Variants in L2HGDH observed in about 807,000 individuals in gnomAD.
The protein encoded by L2HGDH is L-2-hydroxyglutarate dehydrogenase.
In L2HGDH, 34 loss-of-function variants were observed where a neutral mutation model predicts 51.5. That is an observed-to-expected ratio of 0.66 (90% CI 0.50 to 0.88). The LOEUF (loss-of-function observed/expected upper bound fraction) is 0.88. L2HGDH is among the 40% of genes least tolerant of loss of function. L2HGDH has a pLI of 0.00. For synonymous variants in L2HGDH, 198 were observed against 197.9 expected (o/e 1.00, Z -0.01); for missense variants, 558 against 571.9 (o/e 0.98, Z 0.25).
intron 6 of L2HGDH, among the ~76,000 whole-genome samples, chr14:50,276,812 C>T (rs560399401): frequency 2.6e-5 from 4 of 152,338 alleles, no homozygotes; most frequent in South Asian, 2.1e-4. Flanking sequence ...AAGACTAATA[C>T]ACTCATCTCT....
At chr14:50,271,577 A>C (rs1889688248) in intron 6 of L2HGDH, among the ~76,000 whole-genome samples, 1 of 152,194 alleles carries the variant, frequency 6.6e-6, no homozygotes, top group Non-Finnish European at 1.5e-5. Flanking sequence ...ACGGTGGCTC[A>C]CGCCTGTAGT....
intron 5 of L2HGDH, chr14:50,282,386 T>C (rs1457296744): frequency 2.2e-6 from 1 of 452,626 alleles, no homozygotes; most frequent in Non-Finnish European, 4.4e-6. Flanking sequence ...TTGTGCTTCA[T>C]AGCCAGTCTT....
At chr14:50,270,356 C>T (rs2139985463) in intron 6 of L2HGDH, among the ~76,000 whole-genome samples, 1 of 152,288 alleles carries the variant, frequency 6.6e-6, no homozygotes, top group South Asian at 2.1e-4. Flanking sequence ...CTTGAATTCC[C>T]ATCTCTTTAC....
chr14:50,285,312 AGG>A (rs1890508417), intron 4 of L2HGDH, among the ~76,000 whole-genome samples: 2 of 152,220 alleles, frequency 1.3e-5, no homozygotes, highest in African/African-American at 2.4e-5. Flanking sequence ...GGTCACACTG[AGG>A]GTAAAGACTC....
At chr14:50,295,613 C>A (rs1034321928) in intron 3 of L2HGDH, among the ~76,000 whole-genome samples, 22 of 128,088 alleles carry the variant, frequency 1.7e-4, no homozygotes, top group African/African-American at 6.6e-4. Context: ...GTAGAGACAG[C>A]GTTTTACCAC....
intron 9 of L2HGDH, among the ~76,000 whole-genome samples, chr14:50,254,317 C>T (rs1193684513): frequency 1.3e-5 from 2 of 151,816 alleles, no homozygotes; most frequent in African/African-American, 2.4e-5. Context: ...AATATATACA[C>T]CTACTAGGCA....
intron 1 of L2HGDH, among the ~76,000 whole-genome samples, chr14:50,303,471 A>C (rs541719305): frequency 1.9e-4 from 27 of 144,744 alleles, no homozygotes; most frequent in Non-Finnish European, 3.5e-4. Context: ...AAAAAAAAAA[A>C]CCCTTAAAAG....
intron 6 of L2HGDH, among the ~76,000 whole-genome samples, chr14:50,277,573 A>C (rs1415805334): frequency 6.6e-6 from 1 of 151,884 alleles, no homozygotes; most frequent in Non-Finnish European, 1.5e-5. Context: ...CAGGAGATCG[A>C]GACCATCCTG....
At chr14:50,293,011 G>T (rs904450946) in intron 4 of L2HGDH, among the ~76,000 whole-genome samples, 3 of 152,156 alleles carry the variant, frequency 2.0e-5, no homozygotes, top group African/African-American at 7.2e-5. Context: ...AGGCAATATG[G>T]TGAGACTCTG....
At chr14:50,268,883 C>T (rs760451624) in intron 7 of L2HGDH, among the ~76,000 whole-genome samples, 12 of 152,114 alleles carry the variant, frequency 7.9e-5, no homozygotes, top group Non-Finnish European at 1.2e-4. Flanking sequence ...TTTCCCTCCA[C>T]CAGAGAGAAG....
chr14:50,247,835 C>A (rs1888097055), intron 9 of L2HGDH, among the ~76,000 whole-genome samples: 1 of 151,458 alleles, frequency 6.6e-6, no homozygotes, highest in South Asian at 2.1e-4. Flanking sequence ...TCTTCAATTT[C>A]AAAAGATGAT....
At chr14:50,269,353 T>A (rs1295603967) in intron 6 of L2HGDH, 23 bp from the exon 7 acceptor site, 1 of 1,611,072 alleles carries the variant, frequency 6.2e-7, no homozygotes, top group Non-Finnish European at 8.5e-7. Flanking sequence ...AAAAGAACAG[T>A]TATTTGTATA....
chr14:50,271,992 T>C (rs1889721420), intron 6 of L2HGDH, among the ~76,000 whole-genome samples: 1 of 152,110 alleles, frequency 6.6e-6, no homozygotes, highest in South Asian at 2.1e-4. Context: ...AATACAAAAA[T>C]TAACCAGGCG....
intron 6 of L2HGDH, among the ~76,000 whole-genome samples, chr14:50,273,360 G>T (rs59431760): frequency 1.0e-3 from 152 of 152,284 alleles, no homozygotes; most frequent in African/African-American, 3.6e-3. Context: ...TAGGTGTAAA[G>T]ATAGTCTCCA....
chr14:50,265,370 C>T lies in L2HGDH; in HGVS notation c.1184G>A (p.Ser395Asn). Residue 395 changes from serine (S) to asparagine (N), a missense_variant, in exon 9 of 10, where the codon AGT (serine) becomes AAT (asparagine). By Grantham distance (46) the Ser-to-Asn change is conservative (BLOSUM62 1). Around this residue, in one of 3 missense-constraint regions of L2HGDH, gnomAD observed 321 missense variants for 311.8 expected, o/e 1.03. Transcript: ENST00000267436. ...LQKFIPEITI[S>N]DILRGPAGVR... is the part of the protein sequence containing the mutation. ...CCCTTTTCCTTACCTAAGTATATCA[C>T]TGATAGTAATTTCAGGGATGAATTT... 6.2e-7 allele frequency: 1 copy of T among 1,611,460 alleles called. No homozygotes were observed. The highest frequency in any genetic ancestry group is 2.2e-5 in the East Asian group (1 of 44,816).
chr14:50,309,946 C>T (rs768592328), intron 1 of L2HGDH, among the ~76,000 whole-genome samples: 2 of 152,020 alleles, frequency 1.3e-5, no homozygotes, highest in Non-Finnish European at 2.9e-5. Flanking sequence ...CCTCCCACCT[C>T]GGCCTCCCAA....
Position 50,242,985 on chromosome 14 carries a change from CCCGTAGG to C in L2HGDH, c.*4066_*4072del. 2 of 985,442 alleles carry C rather than the reference CCCGTAGG, an allele frequency of 2.0e-6. No homozygotes were observed. Among genetic ancestry groups the C allele is most frequent in the Non-Finnish European group, 2.4e-6 (2 of 829,956 alleles). 61.0% of individuals were successfully genotyped at this position (985,442 alleles called of 1,614,324 possible). On this transcript the variant is annotated 3_prime_UTR_variant, in exon 10 of 10. Transcript: ENST00000267436. ...CCTCCAAAAGTAGGCCCTACAAACT[CCCGTAGG>C]CCAGGGCCTGGCAGTATACCCCATT...
intron 4 of L2HGDH, among the ~76,000 whole-genome samples, chr14:50,284,579 T>C (rs568152779): frequency 6.6e-6 from 1 of 152,348 alleles, no homozygotes; most frequent in East Asian, 1.9e-4. Flanking sequence ...GCTTATTTTA[T>C]TTTTTTAGAA....
At chr14:50,289,697 C>A (rs1445611950) in intron 4 of L2HGDH, among the ~76,000 whole-genome samples, 2 of 152,022 alleles carry the variant, frequency 1.3e-5, no homozygotes, top group African/African-American at 2.4e-5. Context: ...TAATATATAC[C>A]ATTTCTTAAG....
Sources: gnomAD v4.1 joint callset for allele counts (sites outside exome capture counted in the v4.1 genomes callset) on GRCh38, gnomAD v4.1.1 for gene constraint, gnomAD v4.1.1 regional missense constraint, MANE v1.5 for transcripts, NCBI Gene and HGNC (gene_info 2026-07-23, HGNC 2026-07-21) for gene names.